Variants in SCN3B observed in about 807,000 individuals in gnomAD.
SCN3B encodes sodium voltage-gated channel beta subunit 3.
SCN3B carries 11 observed loss-of-function variants against 25.4 expected under a neutral mutation model. The ratio of observed to expected loss-of-function variants is 0.43; its 90% CI spans 0.27 to 0.72. SCN3B has a LOEUF of 0.72. Among genes scored for constraint, SCN3B ranks in the 30% least tolerant of loss-of-function variants. The pLI is 0.18. For missense variants in SCN3B, 218 were observed against 278.3 expected, an observed-to-expected ratio of 0.78 and a Z score of 1.54; for synonymous variants, 109 against 110.7, an observed-to-expected ratio of 0.99 and a Z score of 0.09.
rs961053298 is a variant in SCN3B at position 123,632,871 on chromosome 11, C to G, written c.*928G>C. ...GGGCAGCACCTAAGGCTTATTTCTG[C>G]TCCAGTTTATCCTCTTAAGCCTCTT... On this transcript the variant is annotated 3_prime_UTR_variant, in exon 7 of 7. Coordinates refer to ENST00000299333, the MANE Select transcript of SCN3B (RefSeq NM_001040151.2). The G allele has an allele frequency of 6.6e-6, 1 of 152,218 alleles. No homozygotes were observed. Among genetic ancestry groups the G allele is most frequent in the African/African-American group, 2.4e-5 (1 of 41,456 alleles). The allele number at this position is 152,218 out of a possible 1,614,324, so 9.4% of individuals were successfully genotyped here.
rs1346493013 is a variant in SCN3B, at chr11:123,642,838, A to G, written c.220-167T>C. ...GAATGTGGGGGTGGGATGAAGAGGC[A>G]CAGAGGAGGGTAGGGAAGGGAGCAA... On this transcript the variant is annotated intron_variant, in intron 3 of 6. Transcript: ENST00000299333. This position sits in a 1 kb window ranked among gnomAD's most constrained non-coding sequence, Gnocchi z 4.3. Among the ~76,000 whole-genome samples, 2 of 152,070 alleles carry G rather than the reference A, an allele frequency of 1.3e-5. No homozygotes were observed. The highest frequency in any genetic ancestry group is 2.9e-5 in the Non-Finnish European group (2 of 67,994).
chr11:123,648,018 T>C (rs1210280033), intron 2 of SCN3B, among the ~76,000 whole-genome samples: 1 of 152,204 alleles, frequency 6.6e-6, no homozygotes, highest in Non-Finnish European at 1.5e-5. Flanking sequence ...TCTGAAGTAT[T>C]GATTATAGAT....
chr11:123,644,794 AGAG>A (rs1425606502), intron 3 of SCN3B, among the ~76,000 whole-genome samples: 2 of 89,104 alleles, frequency 2.2e-5, no homozygotes, highest in African/African-American at 4.2e-5. Context: ...AGAGAGAGAG[AGAG>A]AGAATATATA....
intron 4 of SCN3B, chr11:123,638,970 G>T (rs1223442637): frequency 1.2e-5 from 2 of 163,436 alleles, no homozygotes; most frequent in Non-Finnish European, 2.7e-5. Context: ...GGAGGATTTA[G>T]TGTATCAACC....
intron 5 of SCN3B, among the ~76,000 whole-genome samples, chr11:123,635,423 A>G (rs1366425015): frequency 6.6e-6 from 1 of 151,976 alleles, no homozygotes; most frequent in East Asian, 1.9e-4. Flanking sequence ...AGTGGCTCAC[A>G]CCTGTAATCC....
rs11219213 is a variant in SCN3B, at chr11:123,637,614, C to T, written c.584+572G>A. Among the ~76,000 whole-genome samples the T allele has an allele frequency of 3.8e-3, 578 of 152,210 alleles. 2 individuals are homozygous for T. The highest frequency in any genetic ancestry group is 0.013 in the African/African-American group (544 of 41,530). On this transcript the variant is annotated intron_variant, in intron 5 of 6. Transcript: ENST00000299333. ...CACGATCTCAGCTCACTGCAACCTC[C>T]GCCTCCCAGGTTCAAGGGATTCTCC...
At chr11:123,646,504 G>A (rs72553920) in intron 2 of SCN3B, among the ~76,000 whole-genome samples, 8 of 152,228 alleles carry the variant, frequency 5.3e-5, no homozygotes, top group Non-Finnish European at 1.0e-4. Context: ...CATGGTGGAG[G>A]TTGGAGCAGC....
In SCN3B at chr11:123,642,786, G is replaced by C. The variant is rs1409690307; in HGVS notation, c.220-115C>G. 2 of 813,516 alleles carry C rather than the reference G, an allele frequency of 2.5e-6. No individual in the cohort carries two copies. Among genetic ancestry groups the C allele is most frequent in the Admixed American group, 2.0e-5 (1 of 50,476 alleles). 50.4% of individuals were successfully genotyped at this position (813,516 alleles called of 1,614,324 possible). Reference sequence around the variant, plus strand: ...CAGAATTGTGCATGGACAGGGAAGAGAGGGGACAATGCCACCGGGAGACCC... The same window carrying C: ...CAGAATTGTGCATGGACAGGGAAGACAGGGGACAATGCCACCGGGAGACCC... On this transcript the variant is annotated intron_variant, in intron 3 of 6. Coordinates refer to ENST00000299333, the MANE Select transcript of SCN3B (RefSeq NM_001040151.2). The surrounding 1 kb of genome is among the most constrained non-coding windows in gnomAD (Gnocchi z 4.3).
Position 123,645,604 on chromosome 11 carries a change from C to T in SCN3B, c.202G>A (p.Gly68Ser). The change falls in exon 3 of 7, where the codon GGC becomes AGC. Residue 68 changes from glycine to serine, a missense_variant. Transcript: ENST00000299333. ...TAACATACAAGGAAATCTTTACCGCCCTCGGGCCTGTAGAACCATTCCACC... is the reference window on the plus strand; with the variant it reads ...TAACATACAAGGAAATCTTTACCGCTCTCGGGCCTGTAGAACCATTCCACC... ...TVVEWFYRPEGGKDFLIYEYR... is the reference protein window; with the variant it reads ...TVVEWFYRPESGKDFLIYEYR... The T allele has an allele frequency of 6.2e-7, 1 of 1,614,162 alleles. No homozygotes were observed.
intron 3 of SCN3B, among the ~76,000 whole-genome samples, chr11:123,644,801 A>AGAGAGAGAGAGAGAGAG (rs1955832783): frequency 4.3e-5 from 1 of 23,000 alleles, no homozygotes; most frequent in African/African-American, 2.4e-4. Flanking sequence ...GAGAGAGAGA[A>AGAGAGAGAGAGAGAGAG]TATATATATA....
chr11:123,653,135 CAACA>C (rs1197775487), intron 2 of SCN3B, among the ~76,000 whole-genome samples: 28 of 147,572 alleles, frequency 1.9e-4, no homozygotes, highest in Admixed American at 6.2e-4. Context: ...CAGGTTCATG[CAACA>C]AACAAACAAA....
intron 5 of SCN3B, among the ~76,000 whole-genome samples, chr11:123,637,653 C>T (rs896715089): frequency 8.5e-5 from 13 of 152,064 alleles, no homozygotes; most frequent in African/African-American, 2.4e-4. Context: ...CTCAGCCTCC[C>T]GAGTAGCTGG....
Position 123,654,544 on chromosome 11 carries a change from G to C in SCN3B, c.-344C>G, listed in dbSNP as rs1181589433. ...CCGGATGGTGCGGGGCCCCGACCCT[G>C]GGTGGCAGGTGATCAGCAACCCTTC... On this transcript the variant is annotated 5_prime_UTR_variant, in exon 1 of 7. Transcript: ENST00000299333. The C allele has an allele frequency of 6.5e-6, 1 of 152,830 alleles. No homozygotes were observed. The highest frequency in any genetic ancestry group is 6.5e-5 in the Admixed American group (1 of 15,362). The allele number at this position is 152,830 out of a possible 1,614,324, so 9.5% of individuals were successfully genotyped here.
At position 123,653,823 on chromosome 11, in the gene SCN3B, A is replaced by G. The variant is rs1427809551; in HGVS notation, c.-22T>C. On this transcript the variant is annotated 5_prime_UTR_variant, in exon 2 of 7. Coordinates refer to ENST00000299333, the MANE Select transcript of SCN3B (RefSeq NM_001040151.2). ...GCATCTTCTGGGGCTGGCGGCTTCC[A>G]AGGCTACACAGAGAGATTCCCTCGG... 1 of 1,613,998 alleles carries G rather than the reference A, an allele frequency of 6.2e-7. No homozygotes were observed. The highest frequency in any genetic ancestry group is 1.1e-5 in the South Asian group (1 of 91,072).
At chr11:123,634,613 G>A (rs764828910) in intron 5 of SCN3B, among the ~76,000 whole-genome samples, 39 of 152,288 alleles carry the variant, frequency 2.6e-4, no homozygotes, top group African/African-American at 7.9e-4. Flanking sequence ...ATGGTGGCAC[G>A]TGCCTGTAGT....
intron 1 of SCN3B, 40 bp downstream of exon 1, chr11:123,654,186 G>A (rs1195013686): frequency 2.8e-6 from 1 of 354,912 alleles, no homozygotes; most frequent in Non-Finnish European, 5.4e-6. Flanking sequence ...CGCACTGCTG[G>A]CCTAGCAGCC....
intron 5 of SCN3B, among the ~76,000 whole-genome samples, chr11:123,635,074 CTT>C (rs1398776883): frequency 1.3e-5 from 2 of 152,190 alleles, no homozygotes; most frequent in African/African-American, 2.4e-5. Flanking sequence ...AAGAGAGTCT[CTT>C]ATATTCCCTT....
intron 2 of SCN3B, among the ~76,000 whole-genome samples, chr11:123,652,603 G>C (rs1440736075): frequency 6.6e-6 from 1 of 152,212 alleles, no homozygotes; most frequent in Admixed American, 6.5e-5. Context: ...TCGTTTCAGG[G>C]AGGCAGGTGG....
rs1009038688 is a variant in SCN3B at position 123,632,492 on chromosome 11, GA to G, written c.*1306del. On this transcript the variant is annotated 3_prime_UTR_variant, in exon 7 of 7. Transcript: ENST00000299333. ...GACAAGTTCAATGTCAGTCTTTTCA[GA>G]AACAAAGTTATCCACCGGGCGCAGT... 7 of 152,138 alleles carry G rather than the reference GA, an allele frequency of 4.6e-5. No individual in the cohort carries two copies. Among genetic ancestry groups the G allele is most frequent in the Non-Finnish European group, 7.3e-5 (5 of 68,030 alleles). 9.4% of individuals were successfully genotyped at this position (152,138 alleles called of 1,614,324 possible). A position where few individuals can be genotyped will look rare whatever the true frequency, so the allele number is the denominator to read the frequency against.
Sources: gnomAD v4.1 joint callset for allele counts (sites outside exome capture counted in the v4.1 genomes callset) on GRCh38, gnomAD v4.1.1 for gene constraint, Gnocchi (gnomAD v3.1) non-coding constraint, MANE v1.5 for transcripts, NCBI Gene and HGNC (gene_info 2026-07-23, HGNC 2026-07-21) for gene names.